ST6GALNAC3: variants seen among roughly 807,000 people sequenced by gnomAD.
ST6GALNAC3 encodes the protein ST6 N-acetylgalactosaminide alpha-2,6-sialyltransferase 3, also known as alpha-N-acetylgalactosaminide alpha-2,6-sialyltransferase 3.
In ST6GALNAC3, 25 loss-of-function variants were observed where a neutral mutation model predicts 32.7. That is an observed-to-expected ratio of 0.76 (90% confidence interval 0.56 to 1.07). ST6GALNAC3 has a LOEUF of 1.07. ST6GALNAC3 is among the 50% of genes least tolerant of loss of function. The pLI, the probability that ST6GALNAC3 is intolerant of heterozygous loss-of-function variation, is 0.00. For synonymous variants in ST6GALNAC3, 129 were observed against 133.1 expected (o/e 0.97, Z 0.21); for missense variants, 355 against 382.4 (o/e 0.93, Z 0.60).
At chr1:76,623,390 G>A (rs1378954452) in intron 3 of ST6GALNAC3, among the ~76,000 whole-genome samples, 1 of 151,846 alleles carries the variant, frequency 6.6e-6, no homozygotes, top group African/African-American at 2.4e-5. Flanking sequence ...TTATTCTGCT[G>A]CATTAATTTA....
At chr1:76,428,714 A>G (rs1655557077) in intron 3 of ST6GALNAC3, among the ~76,000 whole-genome samples, 1 of 152,158 alleles carries the variant, frequency 6.6e-6, no homozygotes, top group African/African-American at 2.4e-5. Context: ...TCATAATGTA[A>G]TCATTAAAAT....
intron 1 of ST6GALNAC3, among the ~76,000 whole-genome samples, chr1:76,146,040 A>G (rs1418288810): frequency 3.9e-5 from 6 of 152,232 alleles, no homozygotes; most frequent in Non-Finnish European, 5.9e-5. Context: ...AGTAAAGGCA[A>G]TTTAATAAAT....
At chr1:76,611,293 CA>C (rs1298509281) in intron 3 of ST6GALNAC3, among the ~76,000 whole-genome samples, 2 of 151,722 alleles carry the variant, frequency 1.3e-5, no homozygotes, top group Non-Finnish European at 2.9e-5. Context: ...GATAAGTTGC[CA>C]GTGTTCTCTA....
chr1:76,496,740 T>A (rs996930261), intron 3 of ST6GALNAC3, among the ~76,000 whole-genome samples: 3 of 151,946 alleles, frequency 2.0e-5, no homozygotes, highest in African/African-American at 7.2e-5. Context: ...TTAATGATAA[T>A]GAGCCAAAAC....
intron 1 of ST6GALNAC3, among the ~76,000 whole-genome samples, chr1:76,232,919 G>A (rs1375124848): frequency 1.3e-5 from 2 of 152,126 alleles, no homozygotes; most frequent in East Asian, 3.9e-4. Flanking sequence ...CTTTGAAGTT[G>A]GAGCAACTCC....
intron 3 of ST6GALNAC3, among the ~76,000 whole-genome samples, chr1:76,594,656 A>T (rs1348088245): frequency 3.9e-5 from 6 of 152,216 alleles, no homozygotes. Context: ...TAGATAGATA[A>T]ATACATAGAC....
intron 1 of ST6GALNAC3, among the ~76,000 whole-genome samples, chr1:76,132,000 T>A (rs2100868131): frequency 6.6e-6 from 1 of 152,286 alleles, no homozygotes; most frequent in Middle Eastern, 3.4e-3. Flanking sequence ...TTCTATGGGC[T>A]ACCATGCCCT....
intron 3 of ST6GALNAC3, among the ~76,000 whole-genome samples, chr1:76,444,016 G>T (rs773005238): frequency 6.6e-6 from 1 of 152,224 alleles, no homozygotes; most frequent in African/African-American, 2.4e-5. Flanking sequence ...CAGGTAACTG[G>T]AATTGACCTC....
At chr1:76,158,538 A>C (rs967488786) in intron 1 of ST6GALNAC3, among the ~76,000 whole-genome samples, 42 of 152,212 alleles carry the variant, frequency 2.8e-4, no homozygotes, top group African/African-American at 9.4e-4. Flanking sequence ...CCAGTATCTT[A>C]AAAAGAATTC....
chr1:76,441,088 CAAAAAAA>C (rs397980569), intron 3 of ST6GALNAC3, among the ~76,000 whole-genome samples: 8 of 90,266 alleles, frequency 8.9e-5, no homozygotes, highest in African/African-American at 2.8e-4. Context: ...ACTATGTCTC[CAAAAAAA>C]AAAAAAAAAA....
intron 1 of ST6GALNAC3, among the ~76,000 whole-genome samples, chr1:76,096,833 G>C (rs558132500): frequency 2.0e-5 from 3 of 151,768 alleles, no homozygotes; most frequent in Admixed American, 2.0e-4. Flanking sequence ...GTTCTTACTA[G>C]AGGTTTTGTT....
At chr1:76,193,055 A>T (rs1653992735) in intron 1 of ST6GALNAC3, among the ~76,000 whole-genome samples, 1 of 152,208 alleles carries the variant, frequency 6.6e-6, no homozygotes, top group South Asian at 2.1e-4. Flanking sequence ...TAAGTTTAGA[A>T]GTGTCATATA....
At chr1:76,075,231 G>T (rs960083772) in intron 1 of ST6GALNAC3, among the ~76,000 whole-genome samples, 2 of 152,180 alleles carry the variant, frequency 1.3e-5, no homozygotes, top group East Asian at 3.9e-4. Context: ...AGGCCTTTCA[G>T]GGGCCACGGG....
chr1:76,333,612 A>T (rs886683962), intron 2 of ST6GALNAC3, among the ~76,000 whole-genome samples: 24 of 152,168 alleles, frequency 1.6e-4, no homozygotes, highest in Non-Finnish European at 1.6e-4. Context: ...TAATCAGTCA[A>T]TGAAAAAATT....
At chr1:76,497,833 G>A (rs1660946877) in intron 3 of ST6GALNAC3, among the ~76,000 whole-genome samples, 1 of 152,092 alleles carries the variant, frequency 6.6e-6, no homozygotes, top group African/African-American at 2.4e-5. Context: ...CTTTCCAATA[G>A]AAAGCAAGGA....
At chr1:76,520,833 C>A (rs1662483253) in intron 3 of ST6GALNAC3, among the ~76,000 whole-genome samples, 1 of 152,044 alleles carries the variant, frequency 6.6e-6, no homozygotes, top group African/African-American at 2.4e-5. Context: ...GTACACAGTA[C>A]CACTCTACTG....
At chr1:76,125,061 T>C (rs1649153683) in intron 1 of ST6GALNAC3, among the ~76,000 whole-genome samples, 1 of 152,238 alleles carries the variant, frequency 6.6e-6, no homozygotes, top group Non-Finnish European at 1.5e-5. Flanking sequence ...TTCACTTGTT[T>C]CTCTTTACTT....
chr1:76,526,964 G>A (rs1246473525), intron 3 of ST6GALNAC3, among the ~76,000 whole-genome samples: 4 of 152,032 alleles, frequency 2.6e-5, no homozygotes, highest in Admixed American at 6.6e-5. Context: ...AACTCATGGG[G>A]TTGAGAGGAG....
chr1:76,270,335 C>G (rs1033544084), intron 1 of ST6GALNAC3, among the ~76,000 whole-genome samples: 1 of 151,574 alleles, frequency 6.6e-6, no homozygotes, highest in African/African-American at 2.4e-5. Flanking sequence ...GGTGAAATCC[C>G]GACTCTGCTA....
Sources: gnomAD v4.1 joint callset for allele counts (sites outside exome capture counted in the v4.1 genomes callset) on GRCh38, gnomAD v4.1.1 for gene constraint, MANE v1.5 for transcripts, NCBI Gene and HGNC (gene_info 2026-07-23, HGNC 2026-07-21) for gene names.